Variants in OTC observed in about 807,000 individuals in gnomAD.
The protein encoded by OTC is ornithine transcarbamylase, also known as ornithine transcarbamylase, mitochondrial.
A neutral mutation model predicts 30.3 loss-of-function variants in OTC; 3 were observed. The observed-to-expected ratio is 0.10, with a 90% CI of 0.05 to 0.26. The LOEUF (loss-of-function observed/expected upper bound fraction) is 0.26, where lower values mean the gene tolerates loss of function less well. OTC is among the 10% of genes least tolerant of loss of function. OTC has a pLI of 1.00. For missense variants in OTC, 194 were observed against 260.3 expected, an observed-to-expected ratio of 0.75 and a Z score of 1.75; for synonymous variants, 111 against 99.7, an observed-to-expected ratio of 1.11 and a Z score of -0.67.
At chrX:38,378,180 A>G (rs1341297014) in intron 3 of OTC, among the ~76,000 whole-genome samples, 1 of 97,843 alleles carries the variant, frequency 1.0e-5, no homozygotes, top group African/African-American at 3.8e-5. Context: ...TCACACAGGA[A>G]CTTTGCACAT....
chrX:38,374,945 T>C (rs2068338768), intron 3 of OTC, among the ~76,000 whole-genome samples: 1 of 112,466 alleles, frequency 8.9e-6, no homozygotes, highest in Admixed American at 9.4e-5. Context: ...TTACGTTGCT[T>C]CATAGATAAT....
At chrX:38,369,667 A>C in intron 2 of OTC, 129 bp from the exon 3 acceptor site, 1 of 334,438 alleles carries the variant, frequency 3.0e-6, no homozygotes, top group Non-Finnish European at 5.1e-6. Context: ...GCCTAAATTC[A>C]CTTTTTAAAC....
intron 4 of OTC, among the ~76,000 whole-genome samples, chrX:38,391,565 G>A (rs902884438): frequency 6.3e-5 from 7 of 111,183 alleles, no homozygotes; most frequent in African/African-American, 2.3e-4. Context: ...CATTTTATTA[G>A]TATCTTTATA....
the OTC span, among the ~76,000 whole-genome samples, chrX:38,331,108 C>A: frequency 5.4e-5 from 6 of 111,896 alleles, no homozygotes; most frequent in African/African-American, 1.9e-4. Flanking sequence ...ATAGCAAGTT[C>A]TCAAATACGC....
chrX:38,346,384 G>A, the OTC span, among the ~76,000 whole-genome samples: 9 of 112,042 alleles, frequency 8.0e-5, no homozygotes, highest in East Asian at 8.4e-4. Flanking sequence ...CTGCAAAACC[G>A]CGTGACAGTT....
chrX:38,368,538 A>G (rs2068308235), intron 2 of OTC, among the ~76,000 whole-genome samples: 1 of 109,561 alleles, frequency 9.1e-6, no homozygotes, highest in Non-Finnish European at 1.9e-5. Flanking sequence ...GAGATGGGAT[A>G]TGGTTCTTAG....
At chrX:38,342,480 T>C in the OTC span, among the ~76,000 whole-genome samples, 1 of 111,622 alleles carries the variant, frequency 9.0e-6, no homozygotes, top group Non-Finnish European at 1.9e-5. Flanking sequence ...AAAGCTAACA[T>C]TTATTGAACA....
upstream of OTC, among the ~76,000 whole-genome samples, chrX:38,349,180 G>A (rs2068202956): frequency 8.9e-6 from 1 of 111,773 alleles, no homozygotes; most frequent in East Asian, 2.8e-4. Context: ...AGGAAGCACT[G>A]GCAGGGTAGT....
intron 4 of OTC, among the ~76,000 whole-genome samples, chrX:38,392,681 T>A (rs1260646653): frequency 8.9e-6 from 1 of 111,858 alleles, no homozygotes; most frequent in Non-Finnish European, 1.9e-5. Context: ...TTCCCCTAAG[T>A]GAGTCCAACA....
chrX:38,399,116 T>C (rs949506648), intron 4 of OTC, among the ~76,000 whole-genome samples: 13 of 111,912 alleles, frequency 1.2e-4, no homozygotes, highest in Middle Eastern at 4.6e-3. Context: ...AAATAATAGA[T>C]GATGCTTTCA....
upstream of OTC, among the ~76,000 whole-genome samples, chrX:38,350,695 G>T (rs1311909005): frequency 2.7e-5 from 3 of 110,975 alleles, no homozygotes; most frequent in Non-Finnish European, 5.7e-5. Flanking sequence ...CTTTTTTTTA[G>T]TTCCCTCTGG....
At chrX:38,352,504 G>C (rs991532676), upstream of OTC, 2 of 420,511 alleles carry the variant, frequency 4.8e-6, no homozygotes, top group Non-Finnish European at 8.3e-6. Context: ...TTGGCATAAA[G>C]TTCAAATGCT....
chrX:38,422,452 C>T (rs2068600436), downstream of OTC, among the ~76,000 whole-genome samples: 1 of 111,831 alleles, frequency 8.9e-6, no homozygotes, highest in African/African-American at 3.3e-5. Flanking sequence ...TTGTGGAAGG[C>T]TCACCCTCAA....
At chrX:38,422,210 C>G (rs1303397305), downstream of OTC, among the ~76,000 whole-genome samples, 1 of 111,769 alleles carries the variant, frequency 8.9e-6, no homozygotes, top group Non-Finnish European at 1.9e-5. Flanking sequence ...ACAGCTCTGA[C>G]TTAAATGAGT....
At chrX:38,375,083 C>G (rs748823874) in intron 3 of OTC, among the ~76,000 whole-genome samples, 4 of 111,884 alleles carry the variant, frequency 3.6e-5, no homozygotes, top group Non-Finnish European at 7.5e-5. Context: ...TTACTATTTG[C>G]CAGGTTTTAT....
intron 4 of OTC, among the ~76,000 whole-genome samples, chrX:38,390,512 C>T (rs1228086698): frequency 1.8e-5 from 2 of 112,347 alleles, no homozygotes; most frequent in African/African-American, 6.5e-5. Context: ...AAACATCCTT[C>T]CTCTATCTCC....
chrX:38,355,550 G>A (rs2147317100), intron 1 of OTC, among the ~76,000 whole-genome samples: 1 of 112,139 alleles, frequency 8.9e-6, no homozygotes, highest in African/African-American at 3.2e-5. Context: ...TAGTTTTCAG[G>A]TGTTTCATTC....
At chrX:38,396,500 G>A (rs1002339520) in intron 4 of OTC, among the ~76,000 whole-genome samples, 2 of 111,529 alleles carry the variant, frequency 1.8e-5, no homozygotes, top group Non-Finnish European at 3.8e-5. Flanking sequence ...TTAGCCAAGT[G>A]CGGTGGCTCA....
At chrX:38,391,540 T>G (rs2068428936) in intron 4 of OTC, among the ~76,000 whole-genome samples, 1 of 111,926 alleles carries the variant, frequency 8.9e-6, no homozygotes, top group Non-Finnish European at 1.9e-5. Flanking sequence ...GCTATGATTC[T>G]TCTCATTGTT....
Sources: gnomAD v4.1 joint callset for allele counts (sites outside exome capture counted in the v4.1 genomes callset) on GRCh38, gnomAD v4.1.1 for gene constraint, MANE v1.5 for transcripts, NCBI Gene and HGNC (gene_info 2026-07-23, HGNC 2026-07-21) for gene names.